The following RNF212 variants were observed in gnomAD, a reference collection of about 807,000 sequenced individuals.
RNF212 encodes probable E3 SUMO-protein ligase RNF212.
A neutral mutation model predicts 34.7 loss-of-function variants in RNF212; 33 were observed. The ratio of observed to expected loss-of-function variants is 0.95; its 90% CI spans 0.72 to 1.27. The LOEUF (loss-of-function observed/expected upper bound fraction) is 1.27. RNF212 is among the 50% of genes most tolerant of loss of function. RNF212 has a pLI of 0.00. For synonymous variants in RNF212, 140 were observed against 136.1 expected (o/e 1.03, Z -0.20); for missense variants, 377 against 362.2 (o/e 1.04, Z -0.33).
At chr4:1,093,354 C>A in intron 3 of RNF212, 3 of 1,150,818 alleles carry the variant, frequency 2.6e-6, no homozygotes, top group South Asian at 2.2e-5. Flanking sequence ...AACAATAAAT[C>A]CATGATGTGT....
chr4:1,093,360 T>C (rs1722493262), intron 3 of RNF212: 2 of 1,138,550 alleles, frequency 1.8e-6, no homozygotes, highest in African/African-American at 1.9e-5. Context: ...AAATCCATGA[T>C]GTGTTAACAT....
downstream of RNF212, among the ~76,000 whole-genome samples, chr4:1,069,210 CAA>C (rs33961572): frequency 6.7e-6 from 1 of 149,290 alleles, no homozygotes; most frequent in Non-Finnish European, 1.5e-5. Context: ...GATTGTGTCT[CAA>C]AAAAAAAAAG....
chr4:1,081,970 G>T (rs1270655323), intron 5 of RNF212: 4 of 307,678 alleles, frequency 1.3e-5, no homozygotes, highest in African/African-American at 6.5e-5. Context: ...CCACTAAGAG[G>T]CCAGCCATGG....
chr4:1,108,465 A>T (rs1253057975), intron 1 of RNF212, 61 bp from the exon 2 acceptor site: 2 of 811,732 alleles, frequency 2.5e-6, no homozygotes, highest in Non-Finnish European at 3.7e-6. Context: ...ATATGTATAC[A>T]TGCAGACTTT....
In RNF212 at chr4:1,113,396, G is replaced by A. The variant is rs1726133837; in HGVS notation, c.69C>T (p.Thr23=). ...PPHRTSCFSL[T]NCGHVYCDAC... is the part of the protein sequence containing the mutation. ...CGTCGCAGTACACGTGCCCGCAGTT[G>A]GTGAGGCTGAAGCACGACGTCCTGT... Residue 23 remains threonine, a synonymous_variant, in exon 1 of 10, where the codon ACC becomes ACT. Transcript: ENST00000433731. The A allele has an allele frequency of 6.2e-7, 1 of 1,603,840 alleles. No homozygotes were observed. The highest frequency in any genetic ancestry group is 1.4e-5 in the African/African-American group (1 of 73,394).
At chr4:1,087,495 A>G (rs1431749502) in intron 4 of RNF212, among the ~76,000 whole-genome samples, 1 of 54,570 alleles carries the variant, frequency 1.8e-5, no homozygotes, top group Non-Finnish European at 3.4e-5. Context: ...GGGTGAGAGA[A>G]CCAAGGTTGG....
intron 3 of RNF212, among the ~76,000 whole-genome samples, chr4:1,094,552 G>A (rs1191465274): frequency 6.6e-6 from 1 of 152,124 alleles, no homozygotes. Context: ...AGCCAACACT[G>A]CCACAGCAGG....
At chr4:1,093,557 C>T (rs558173021) in intron 3 of RNF212, 795 of 727,546 alleles carry the variant, frequency 1.1e-3, no homozygotes, top group Admixed American at 1.4e-3. Flanking sequence ...CGGCCCATGC[C>T]GGAAGCCTGA....
chr4:1,057,315 C>G (rs1717393473), intron 4 of RNF212, among the ~76,000 whole-genome samples: 1 of 152,160 alleles, frequency 6.6e-6, no homozygotes, highest in East Asian at 1.9e-4. Context: ...CACTCAAGGG[C>G]TCTGGGGGGC....
At chr4:1,082,010 G>A (rs113881125) in intron 5 of RNF212, 17 of 252,760 alleles carry the variant, frequency 6.7e-5, no homozygotes, top group African/African-American at 3.2e-4. Context: ...CAACACTTTG[G>A]GAGGCAGGGG....
chr4:1,075,292 C>T lies in RNF212; in HGVS notation c.511-1630G>A, dbSNP rs143734193. 3.3e-5 allele frequency among the ~76,000 whole-genome samples: 5 copies of T among 152,298 alleles called. No individual in the cohort carries two copies. The East Asian group carries it at 5.8e-4, about 18-fold the overall frequency. ...GGTGTATTAGGCCATTCTTGCACTG[C>T]GATAAATACCAGAGACTGTGTAATT... On this transcript the variant is annotated intron_variant, in intron 8 of 9. Coordinates refer to ENST00000433731, the MANE Select transcript of RNF212 (RefSeq NM_001131034.4).
chr4:1,072,701 A>G lies in RNF212; in HGVS notation c.*173T>C. 3 of 1,365,852 alleles carry G rather than the reference A, an allele frequency of 2.2e-6. No individual in the cohort carries two copies. The highest frequency in any genetic ancestry group is 2.9e-6 in the Non-Finnish European group (3 of 1,047,830). 84.6% of individuals were successfully genotyped at this position (1,365,852 alleles called of 1,614,324 possible). ...ATGAGTACATAAAAATATTGTCTCT[A>G]AAATTCAAAGGTCAAATATAAAATT... On this transcript the variant is annotated 3_prime_UTR_variant, in exon 10 of 10. Coordinates refer to ENST00000433731, the MANE Select transcript of RNF212 (RefSeq NM_001131034.4).
intron 3 of RNF212, among the ~76,000 whole-genome samples, chr4:1,091,183 G>C (rs28510738): frequency 0.18 from 28,001 of 152,178 alleles, 4,177 homozygotes; most frequent in African/African-American, 0.42. Context: ...TGGACCAATG[G>C]CTGGGGCAAG....
Position 1,078,999 on chromosome 4 carries a change from T to G in RNF212, c.510+644A>C, listed in dbSNP as rs111419884. ...ACACAGGGTCAACACAGGACCAACATAGGACCAACACAGGGTCAACACAGG... is the reference window on the plus strand; with the variant it reads ...ACACAGGGTCAACACAGGACCAACAGAGGACCAACACAGGGTCAACACAGG... On this transcript the variant is annotated intron_variant, in intron 8 of 9. Coordinates refer to ENST00000433731, the MANE Select transcript of RNF212 (RefSeq NM_001131034.4). Among the ~76,000 whole-genome samples the G allele has an allele frequency of 7.4e-4, 80 of 108,690 alleles. 4 individuals are homozygous for G. The South Asian group carries it at 0.023, about 31-fold the overall frequency. The allele number at this position is 108,690 out of a possible 152,430, so 71.3% of individuals were successfully genotyped here.
At chr4:1,064,934 G>A (rs1577616575) in intron 3 of RNF212, among the ~76,000 whole-genome samples, 1 of 152,194 alleles carries the variant, frequency 6.6e-6, no homozygotes, top group South Asian at 2.1e-4. Context: ...TTAGCATAGC[G>A]TCCTCAATGT....
downstream of RNF212, among the ~76,000 whole-genome samples, chr4:1,071,269 C>T (rs1718468510): frequency 6.6e-6 from 1 of 150,962 alleles, no homozygotes; most frequent in Non-Finnish European, 1.5e-5. Flanking sequence ...TTTAAAAAAA[C>T]TAACTTGGTT....
At chr4:1,111,391 C>A (rs1210591724) in intron 1 of RNF212, among the ~76,000 whole-genome samples, 3 of 152,136 alleles carry the variant, frequency 2.0e-5, no homozygotes, top group Non-Finnish European at 2.9e-5. Flanking sequence ...CTTGTCTTCC[C>A]CTGGATGGCT....
At chr4:1,093,118 C>T (rs924836254) in intron 3 of RNF212, among the ~76,000 whole-genome samples, 6 of 152,116 alleles carry the variant, frequency 3.9e-5, no homozygotes, top group African/African-American at 1.4e-4. Flanking sequence ...GGAAGGTGGA[C>T]CAGGGCAGGC....
intron 3 of RNF212, chr4:1,094,052 T>A: frequency 6.7e-7 from 1 of 1,501,700 alleles, no homozygotes; most frequent in Non-Finnish European, 8.9e-7. Context: ...GCAAGGAAGC[T>A]CCCAGAGGAG....
Sources: gnomAD v4.1 joint callset for allele counts (sites outside exome capture counted in the v4.1 genomes callset) on GRCh38, gnomAD v4.1.1 for gene constraint, MANE v1.5 for transcripts, NCBI Gene and HGNC (gene_info 2026-07-23, HGNC 2026-07-21) for gene names.